TET3: variants seen among roughly 807,000 people sequenced by gnomAD.
TET3 encodes the protein methylcytosine dioxygenase TET3.
A neutral mutation model predicts 141.4 loss-of-function variants in TET3; 19 were observed. That is an observed-to-expected ratio of 0.13 (90% CI 0.09 to 0.20). TET3 has a LOEUF of 0.20. TET3 is among the 10% of genes least tolerant of loss of function. TET3 has a pLI of 1.00. For synonymous variants in TET3, 1,043 were observed against 980.9 expected, an observed-to-expected ratio of 1.06 and a Z score of -1.18; for missense variants, 1,874 against 2,356.9, an observed-to-expected ratio of 0.80 and a Z score of 4.24.
intron 3 of TET3, among the ~76,000 whole-genome samples, chr2:74,016,788 CTTTTTT>C (rs1157485325): frequency 8.2e-6 from 1 of 122,478 alleles, no homozygotes; most frequent in African/African-American, 3.0e-5. Flanking sequence ...GTTCTCCTGT[CTTTTTT>C]TTTTTTTTTT....
intron 2 of TET3, among the ~76,000 whole-genome samples, chr2:73,996,051 A>T (rs945903467): frequency 1.3e-5 from 2 of 152,068 alleles, no homozygotes; most frequent in African/African-American, 4.8e-5. Context: ...AGTCTTGGTC[A>T]GCAGCCCCAC....
chr2:74,122,448 AAT>A, the TET3 span: 1 of 138,576 alleles, frequency 7.2e-6, no homozygotes, highest in Non-Finnish European at 1.5e-5. Context: ...TTGATAGTGA[AAT>A]ATATATATGT....
At chr2:74,122,509 A>ATTTTTTTTTTTTT in the TET3 span, 4 of 76,238 alleles carry the variant, frequency 5.2e-5, no homozygotes, top group Non-Finnish European at 9.6e-5. Context: ...ATATATATAT[A>ATTTTTTTTTTTTT]TATTTTTTTT....
chr2:74,076,530 A>C (rs1228363956), intron 5 of TET3, among the ~76,000 whole-genome samples: 1 of 135,336 alleles, frequency 7.4e-6, no homozygotes, highest in East Asian at 2.2e-4. Context: ...TGGATTTCTC[A>C]TATAACAAGA....
At chr2:73,987,788 T>C (rs1684116993) in intron 2 of TET3, among the ~76,000 whole-genome samples, 1 of 152,232 alleles carries the variant, frequency 6.6e-6, no homozygotes, top group African/African-American at 2.4e-5. Flanking sequence ...CAAAGCCTCT[T>C]CCAGCTGGGC....
chr2:74,063,780 C>T (rs1573829929), intron 4 of TET3, among the ~76,000 whole-genome samples: 1 of 151,766 alleles, frequency 6.6e-6, no homozygotes, highest in East Asian at 1.9e-4. Context: ...GCAGATCTGG[C>T]CTGGTGCAAT....
intron 6 of TET3, among the ~76,000 whole-genome samples, chr2:74,086,142 C>T (rs1038710318): frequency 6.6e-6 from 1 of 152,228 alleles, no homozygotes; most frequent in Non-Finnish European, 1.5e-5. Context: ...GCCTGACACT[C>T]GGAGCCCTTC....
chr2:74,011,246 A>AAAC (rs1553415420), intron 3 of TET3, among the ~76,000 whole-genome samples: 11 of 151,704 alleles, frequency 7.3e-5, no homozygotes, highest in African/African-American at 2.4e-4. Flanking sequence ...AAAAAAAAAA[A>AAAC]CACTTTAAAA....
At chr2:74,013,678 G>A (rs181275856) in intron 3 of TET3, among the ~76,000 whole-genome samples, 1 of 152,162 alleles carries the variant, frequency 6.6e-6, no homozygotes, top group East Asian at 1.9e-4. Context: ...CGGGCGTGGT[G>A]GCGGGTGCTT....
intron 2 of TET3, among the ~76,000 whole-genome samples, chr2:73,990,561 A>G (rs1684273150): frequency 6.6e-6 from 1 of 152,188 alleles, no homozygotes. Flanking sequence ...TAACTATTAG[A>G]GTAGGAGAAT....
chr2:74,019,773 G>T (rs369434241), intron 3 of TET3, among the ~76,000 whole-genome samples: 12 of 152,122 alleles, frequency 7.9e-5, no homozygotes, highest in Admixed American at 6.5e-4. Flanking sequence ...CCTTGTCCCC[G>T]CAGGAAAAAG....
rs1389882431 is a variant in TET3, at chr2:74,106,476, G to C, written c.*4300G>C. On this transcript the variant is annotated 3_prime_UTR_variant, in exon 12 of 12. Transcript: ENST00000409262. ...TCTGGGAGTCCCAAGGGCACACCAA[G>C]GGAGACCAGATGGATCTCCTTCCTC... 2 of 153,760 alleles carry C rather than the reference G, an allele frequency of 1.3e-5. No homozygotes were observed. Among genetic ancestry groups the C allele is most frequent in the Non-Finnish European group, 2.9e-5 (2 of 68,058 alleles). The allele number at this position is 153,760 out of a possible 1,614,324, so 9.5% of individuals were successfully genotyped here.
intron 4 of TET3, among the ~76,000 whole-genome samples, chr2:74,063,384 A>T (rs749241626): frequency 2.0e-5 from 3 of 152,142 alleles, no homozygotes; most frequent in Non-Finnish European, 2.9e-5. Context: ...CTTCACCACC[A>T]TGTGATTATC....
the TET3 span, among the ~76,000 whole-genome samples, chr2:74,115,034 T>C: frequency 3.3e-5 from 5 of 151,940 alleles, no homozygotes; most frequent in African/African-American, 9.7e-5. Flanking sequence ...CTTCAGGACA[T>C]TGGTCTAGGA....
rs887495079 is a variant in TET3, at chr2:73,986,056, C to T, written c.-348C>T. On this transcript the variant is annotated 5_prime_UTR_variant, in exon 2 of 12. Transcript: ENST00000409262. ...AACTGCTCACTCAGCTCTGCCCCCA[C>T]CACACCCCTACCTGCTCAACTCATG... 3.4e-5 allele frequency: 7 copies of T among 206,508 alleles called. No individual in the cohort carries two copies. Among genetic ancestry groups the T allele is most frequent in the Admixed American group, 1.2e-4 (2 of 16,760 alleles). The allele number at this position is 206,508 out of a possible 1,614,324, so 12.8% of individuals were successfully genotyped here.
Position 74,100,766 on chromosome 2 carries a change from C to T in TET3, c.3978C>T (p.Asn1326=), listed in dbSNP as rs1558796001. 3 of 1,613,442 alleles carry T rather than the reference C, an allele frequency of 1.9e-6. No homozygotes were observed. In the Admixed American group the frequency reaches 5.0e-5, roughly 27 times the overall value. The change falls in exon 12 of 12, where the codon AAC becomes AAT. Residue 1326 remains asparagine, a synonymous_variant. Coordinates refer to ENST00000409262, the MANE Select transcript of TET3 (RefSeq NM_001287491.2). ...AGCCAGACCTCCACGCTCTGCACAA[C>T]AGCCTGAGCCCGGCCTACGGTGGTG... The part of the protein sequence containing the change: ...EKKPDLHALH[N]SLSPAYGGAE...
At position 74,105,277 on chromosome 2, in the gene TET3, C is replaced by T; in HGVS notation, c.*3101C>T. The T allele has an allele frequency of 7.5e-6, 3 of 398,618 alleles. No individual in the cohort carries two copies. The highest frequency in any genetic ancestry group is 1.3e-5 in the Non-Finnish European group (3 of 226,084). The allele number at this position is 398,618 out of a possible 1,614,324, so 24.7% of individuals were successfully genotyped here. A position where few individuals can be genotyped will look rare whatever the true frequency, so the allele number is the denominator to read the frequency against. On this transcript the variant is annotated 3_prime_UTR_variant, in exon 12 of 12. Coordinates refer to ENST00000409262, the MANE Select transcript of TET3 (RefSeq NM_001287491.2). ...CCCCAGTGTGCCCTGTCCACGGACA[C>T]CATCCACGTGCAGTGCAAACATTTG...
At chr2:74,029,786 C>T (rs1686573449) in intron 3 of TET3, among the ~76,000 whole-genome samples, 1 of 152,206 alleles carries the variant, frequency 6.6e-6, no homozygotes, top group Admixed American at 6.5e-5. Context: ...GGATCATCCA[C>T]CAGGGTTTTC....
intron 5 of TET3, among the ~76,000 whole-genome samples, chr2:74,077,360 G>A (rs1482288817): frequency 6.6e-6 from 1 of 152,200 alleles, no homozygotes; most frequent in East Asian, 1.9e-4. Context: ...AATTTCTAGG[G>A]GATGCTGATG....
Sources: gnomAD v4.1 joint callset for allele counts (sites outside exome capture counted in the v4.1 genomes callset) on GRCh38, gnomAD v4.1.1 for gene constraint, MANE v1.5 for transcripts, NCBI Gene and HGNC (gene_info 2026-07-23, HGNC 2026-07-21) for gene names.